Variants in SEPSECS observed in about 807,000 individuals in gnomAD.
SEPSECS encodes the protein O-phosphoseryl-tRNA(Sec) selenium transferase.
In SEPSECS, 42 loss-of-function variants were observed where a neutral mutation model predicts 52.1. The observed-to-expected ratio is 0.81, with a 90% CI of 0.63 to 1.04. The LOEUF (loss-of-function observed/expected upper bound fraction) is 1.04. Ranked by LOEUF, SEPSECS falls within the 50% of genes least tolerant of loss-of-function variation. The probability of loss-of-function intolerance (pLI) is 0.00; values close to 1 mark genes in which losing one functional copy is unlikely to be tolerated. For missense variants in SEPSECS, 590 were observed against 610.6 expected (o/e 0.97, Z 0.36); for synonymous variants, 216 against 211.4 (o/e 1.02, Z -0.19).
chr4:25,151,246 ACT>A (rs1712284145), intron 6 of SEPSECS, among the ~76,000 whole-genome samples: 1 of 152,184 alleles, frequency 6.6e-6, no homozygotes. Flanking sequence ...AAGCTACGCA[ACT>A]CTCTAGAAGA....
intron 6 of SEPSECS, among the ~76,000 whole-genome samples, chr4:25,148,296 T>A (rs957401095): frequency 2.3e-5 from 3 of 132,664 alleles, no homozygotes; most frequent in African/African-American, 8.7e-5. Context: ...GAGCTTGCAG[T>A]GAGCCAAGAT....
chr4:25,148,347 C>T (rs1254031299), intron 6 of SEPSECS, among the ~76,000 whole-genome samples: 3 of 118,148 alleles, frequency 2.5e-5, no homozygotes, highest in East Asian at 2.3e-4. Context: ...AGCGAGACTC[C>T]GTCTCAAAAA....
Position 25,144,881 on chromosome 4 carries a change from T to C in SEPSECS, c.935-16A>G. On this transcript the variant is annotated splice_polypyrimidine_tract_variant and intron_variant, in intron 7 of 10. Transcript: ENST00000382103. The stretch of plus-strand genomic sequence containing the variant: ...GAAGCTCTTCCTGAAATAAGAAGGA[T>C]AAGTTACATTAAGACTGTGGTGGGG... 1 of 1,598,360 alleles carries C rather than the reference T, an allele frequency of 6.3e-7. No homozygotes were observed. Among genetic ancestry groups the C allele is most frequent in the African/African-American group, 1.3e-5 (1 of 74,668 alleles).
chr4:25,126,986 G>A (rs1728399933), intron 9 of SEPSECS, among the ~76,000 whole-genome samples: 1 of 152,110 alleles, frequency 6.6e-6, no homozygotes, highest in African/African-American at 2.4e-5. Flanking sequence ...TATAAATAGA[G>A]TTATGGTTAG....
intron 5 of SEPSECS, among the ~76,000 whole-genome samples, chr4:25,153,001 T>C (rs1712399681): frequency 6.6e-6 from 1 of 152,000 alleles, no homozygotes; most frequent in Non-Finnish European, 1.5e-5. Context: ...CTAGTAGATG[T>C]CATTAATATA....
At chr4:25,125,817 G>A (rs932834437) in intron 9 of SEPSECS, 33 bp from the exon 10 acceptor site, 4 of 1,344,646 alleles carry the variant, frequency 3.0e-6, no homozygotes, top group Non-Finnish European at 4.3e-6. Context: ...AATAAGCCTT[G>A]GTTTACTGGC....
chr4:25,123,949 G>T lies in SEPSECS; in HGVS notation c.1488C>A (p.Tyr496Ter). The T allele has an allele frequency of 6.2e-7, 1 of 1,613,210 alleles. No homozygotes were observed. Among genetic ancestry groups the T allele is most frequent in the Non-Finnish European group, 8.5e-7 (1 of 1,179,352 alleles). The change falls in exon 11 of 11, where the codon TAC (tyrosine) becomes TAA (stop). Residue 496 changes from tyrosine (Y) to a stop codon, truncating the protein, a stop_gained. Coordinates refer to ENST00000382103, the MANE Select transcript of SEPSECS (RefSeq NM_016955.4). LOFTEE classifies it high-confidence loss of function. ...LKLDNVLLDT[Y>*]QDASS Reference sequence around the variant, plus strand: ...TCGCATGTCATGAAGAAGCATCCTGGTATGTGTCAAGAAGTACATTATCTA... The same window carrying T: ...TCGCATGTCATGAAGAAGCATCCTGTTATGTGTCAAGAAGTACATTATCTA...
At chr4:25,153,700 G>C (rs1360511594) in intron 5 of SEPSECS, among the ~76,000 whole-genome samples, 3 of 151,810 alleles carry the variant, frequency 2.0e-5, no homozygotes, top group African/African-American at 7.3e-5. Context: ...AACAAAATGT[G>C]GTTTTAAAAT....
intron 1 of SEPSECS, chr4:25,159,390 A>G (rs1315798571): frequency 2.4e-6 from 1 of 409,626 alleles, no homozygotes; most frequent in Non-Finnish European, 4.4e-6. Flanking sequence ...AACCAATACA[A>G]CACATCCCCA....
intron 9 of SEPSECS, 43 bp downstream of exon 9, chr4:25,127,221 T>G: frequency 8.0e-7 from 1 of 1,243,564 alleles, no homozygotes; most frequent in Non-Finnish European, 1.2e-6. Context: ...CCTCCTAGAG[T>G]GGATCATAAG....
chr4:25,133,329 C>T (rs2109010047), intron 8 of SEPSECS, among the ~76,000 whole-genome samples: 1 of 152,290 alleles, frequency 6.6e-6, no homozygotes, highest in Middle Eastern at 3.4e-3. Context: ...GAGATGAAGG[C>T]ATCCAATTCA....
intron 6 of SEPSECS, among the ~76,000 whole-genome samples, chr4:25,148,392 T>C (rs1269226143): frequency 6.8e-6 from 1 of 147,022 alleles, no homozygotes; most frequent in Non-Finnish European, 1.5e-5. Context: ...GTAGGATGCC[T>C]GACACATGGA....
In SEPSECS at chr4:25,160,309, C is replaced by G; in HGVS notation, c.61G>C (p.Gly21Arg). The stretch of plus-strand genomic sequence containing the variant: ...TCATGCGAGCGGCGGGCCTCACAGC[C>G]CTGCCGCACGTAAGCCGGCGACACC... ...RLVSPAYVRQ[G>R]CEARRSHEHL... The change falls in exon 1 of 11, where the codon GGC becomes CGC. Residue 21 changes from glycine to arginine, a missense_variant. Coordinates refer to ENST00000382103, the MANE Select transcript of SEPSECS (RefSeq NM_016955.4). 2 of 1,549,718 alleles carry G rather than the reference C, an allele frequency of 1.3e-6. No individual in the cohort carries two copies. Among genetic ancestry groups the G allele is most frequent in the South Asian group, 2.4e-5 (2 of 84,212 alleles).
At chr4:25,138,884 G>C (rs1396232738) in intron 8 of SEPSECS, among the ~76,000 whole-genome samples, 1 of 152,182 alleles carries the variant, frequency 6.6e-6, no homozygotes, top group East Asian at 1.9e-4. Flanking sequence ...CTAAAGGAAA[G>C]CTAATTTTAT....
rs140023624 is a variant in SEPSECS at position 25,122,531 on chromosome 4, G to A, written c.*1400C>T. The A allele has an allele frequency of 6.6e-6, 1 of 152,174 alleles. No homozygotes were observed. Among genetic ancestry groups the A allele is most frequent in the Non-Finnish European group, 1.5e-5 (1 of 68,012 alleles). 9.4% of individuals were successfully genotyped at this position (152,174 alleles called of 1,614,324 possible). ...CTTTGGATAAGGATATATTAAAACT[G>A]GGTTATTTAGTGAAGGAATTCTTAG... On this transcript the variant is annotated 3_prime_UTR_variant, in exon 11 of 11. Transcript: ENST00000382103.
intron 6 of SEPSECS, among the ~76,000 whole-genome samples, chr4:25,148,506 A>G (rs1352846884): frequency 6.6e-6 from 1 of 152,198 alleles, no homozygotes; most frequent in African/African-American, 2.4e-5. Flanking sequence ...TGCACTCAAC[A>G]AGACTCAAGT....
At chr4:25,150,021 T>C (rs962568975) in intron 6 of SEPSECS, among the ~76,000 whole-genome samples, 2 of 152,246 alleles carry the variant, frequency 1.3e-5, no homozygotes, top group African/African-American at 2.4e-5. Flanking sequence ...TGGGTGCCTG[T>C]TACTTGCTGC....
intron 2 of SEPSECS, among the ~76,000 whole-genome samples, chr4:25,157,671 T>A (rs896024506): frequency 6.6e-6 from 1 of 151,878 alleles, no homozygotes; most frequent in Non-Finnish European, 1.5e-5. Context: ...CAGCCTCCCG[T>A]GTAGCTGGGA....
rs1728120972 is a variant in SEPSECS at position 25,121,444 on chromosome 4, GATTGGTAATGT to G, written c.*2476_*2486del. ...GATAGAAGAGGTTATCTTCGGCAAT[GATTGGTAATGT>G]ATCATCCACTGCCTTCGTCACAGTA... On this transcript the variant is annotated 3_prime_UTR_variant, in exon 11 of 11. Transcript: ENST00000382103. The G allele has an allele frequency of 6.6e-6, 1 of 152,140 alleles. No individual in the cohort carries two copies. Among genetic ancestry groups the G allele is most frequent in the Admixed American group, 6.6e-5 (1 of 15,264 alleles). The allele number at this position is 152,140 out of a possible 1,614,324, so 9.4% of individuals were successfully genotyped here. A position where few individuals can be genotyped will look rare whatever the true frequency, so the allele number is the denominator to read the frequency against.
Sources: gnomAD v4.1 joint callset for allele counts (sites outside exome capture counted in the v4.1 genomes callset) on GRCh38, gnomAD v4.1.1 for gene constraint, MANE v1.5 for transcripts, NCBI Gene and HGNC (gene_info 2026-07-23, HGNC 2026-07-21) for gene names.